Variants in CNTNAP2 observed in about 807,000 individuals in gnomAD.
The protein encoded by CNTNAP2 is contactin associated protein 2.
A neutral mutation model predicts 155.2 loss-of-function variants in CNTNAP2; 98 were observed. That is an observed-to-expected ratio of 0.63 (90% CI 0.54 to 0.75). CNTNAP2 has a LOEUF of 0.75. Among genes scored for constraint, CNTNAP2 ranks in the 30% least tolerant of loss-of-function variants. The pLI is 0.00. For missense variants in CNTNAP2, 1,727 were observed against 1,688.1 expected, an observed-to-expected ratio of 1.02 and a Z score of -0.40; for synonymous variants, 651 against 631.2, an observed-to-expected ratio of 1.03 and a Z score of -0.47.
intron 3 of CNTNAP2, among the ~76,000 whole-genome samples, chr7:146,891,389 C>T (rs919755976): frequency 2.0e-5 from 3 of 151,960 alleles, no homozygotes; most frequent in Admixed American, 1.3e-4. Context: ...CGTATACCCC[C>T]GAATGTAAAA....
intron 1 of CNTNAP2, among the ~76,000 whole-genome samples, chr7:146,508,313 C>A (rs890062806): frequency 6.6e-6 from 1 of 152,194 alleles, no homozygotes. Flanking sequence ...AGTCTGAATT[C>A]TCTGACCGTG....
chr7:146,207,746 A>T (rs1798970185), intron 1 of CNTNAP2, among the ~76,000 whole-genome samples: 1 of 151,542 alleles, frequency 6.6e-6, no homozygotes, highest in Admixed American at 6.6e-5. Context: ...TGGATAAATG[A>T]ACCTGCTGTT....
intron 1 of CNTNAP2, among the ~76,000 whole-genome samples, chr7:146,251,280 A>C (rs1349810088): frequency 6.6e-6 from 1 of 152,152 alleles, no homozygotes; most frequent in East Asian, 1.9e-4. Flanking sequence ...GGTATAAATA[A>C]ATTTTGTTAT....
At chr7:147,170,125 C>G (rs1802196507) in intron 8 of CNTNAP2, among the ~76,000 whole-genome samples, 1 of 152,006 alleles carries the variant, frequency 6.6e-6, no homozygotes, top group African/African-American at 2.4e-5. Flanking sequence ...GACTTCATTT[C>G]TGGACATTTT....
At chr7:146,853,315 AC>A (rs1297004265) in intron 3 of CNTNAP2, among the ~76,000 whole-genome samples, 1 of 152,170 alleles carries the variant, frequency 6.6e-6, no homozygotes, top group Non-Finnish European at 1.5e-5. Flanking sequence ...TAAAATCAAA[AC>A]CAAAATATGA....
intron 1 of CNTNAP2, among the ~76,000 whole-genome samples, chr7:146,489,551 C>A (rs928258793): frequency 6.6e-6 from 1 of 152,054 alleles, no homozygotes; most frequent in Non-Finnish European, 1.5e-5. Flanking sequence ...ACCTCCACGG[C>A]CAGTGACACA....
chr7:147,393,708 G>T (rs1221271053), intron 9 of CNTNAP2, among the ~76,000 whole-genome samples: 1 of 151,736 alleles, frequency 6.6e-6, no homozygotes, highest in East Asian at 1.9e-4. Context: ...AAAAAAATGT[G>T]GTTGACTAGA....
At chr7:147,953,162 C>T (rs2116832587) in intron 14 of CNTNAP2, among the ~76,000 whole-genome samples, 1 of 152,268 alleles carries the variant, frequency 6.6e-6, no homozygotes, top group African/African-American at 2.4e-5. Flanking sequence ...TTTGCGTTTT[C>T]TTAGTTTCAT....
intron 12 of CNTNAP2, 69 bp downstream of exon 12, chr7:147,562,326 T>A: frequency 6.3e-7 from 1 of 1,598,914 alleles, no homozygotes; most frequent in South Asian, 1.1e-5. Flanking sequence ...GTTCCACCAA[T>A]GGTTTGTTTC....
chr7:146,885,654 G>T (rs1795641381), intron 3 of CNTNAP2, among the ~76,000 whole-genome samples: 1 of 152,056 alleles, frequency 6.6e-6, no homozygotes, highest in African/African-American at 2.4e-5. Context: ...ATTGTCTTCA[G>T]AACTTCTTTT....
At chr7:146,370,868 A>G (rs1373138478) in intron 1 of CNTNAP2, among the ~76,000 whole-genome samples, 3 of 152,136 alleles carry the variant, frequency 2.0e-5, no homozygotes, top group Admixed American at 1.3e-4. Context: ...TTTTATATGT[A>G]CCTTAATAAA....
At chr7:147,317,738 T>C (rs562519321) in intron 9 of CNTNAP2, among the ~76,000 whole-genome samples, 1 of 152,106 alleles carries the variant, frequency 6.6e-6, no homozygotes, top group Admixed American at 6.5e-5. Flanking sequence ...CCTACCTCAC[T>C]GTCGCTTAAA....
chr7:148,402,005 T>A (rs555296461), intron 22 of CNTNAP2, among the ~76,000 whole-genome samples: 109 of 152,146 alleles, frequency 7.2e-4, no homozygotes, highest in African/African-American at 2.6e-3. Flanking sequence ...GAAAGGCAAT[T>A]GAGACAATTC....
chr7:147,530,277 C>T (rs111880444), intron 11 of CNTNAP2, among the ~76,000 whole-genome samples: 1 of 151,780 alleles, frequency 6.6e-6, no homozygotes, highest in Non-Finnish European at 1.5e-5. Flanking sequence ...CCTCCACCTC[C>T]TGGGTTCAAG....
intron 9 of CNTNAP2, among the ~76,000 whole-genome samples, chr7:147,387,158 T>C (rs1796638565): frequency 6.6e-6 from 1 of 152,140 alleles, no homozygotes; most frequent in African/African-American, 2.4e-5. Context: ...GGAGTTACAA[T>C]TCAAGATGAG....
At chr7:147,076,902 C>T (rs958447537) in intron 4 of CNTNAP2, among the ~76,000 whole-genome samples, 1 of 152,132 alleles carries the variant, frequency 6.6e-6, no homozygotes, top group Admixed American at 6.6e-5. Context: ...AAAATAGCTA[C>T]TTCTCTTTTA....
intron 20 of CNTNAP2, among the ~76,000 whole-genome samples, chr7:148,249,595 A>G (rs923196748): frequency 3.9e-5 from 6 of 152,196 alleles, no homozygotes; most frequent in African/African-American, 1.4e-4. Flanking sequence ...TTGATGTCTG[A>G]TAAACACTCC....
intron 10 of CNTNAP2, among the ~76,000 whole-genome samples, chr7:147,396,292 T>C (rs1388356335): frequency 1.3e-5 from 2 of 151,686 alleles, no homozygotes; most frequent in Non-Finnish European, 2.9e-5. Flanking sequence ...AACAGCAGTG[T>C]GGCAGAGAAA....
At chr7:146,366,281 A>C (rs1311978944) in intron 1 of CNTNAP2, among the ~76,000 whole-genome samples, 1 of 152,098 alleles carries the variant, frequency 6.6e-6, no homozygotes, top group Non-Finnish European at 1.5e-5. Context: ...GTTAGTCTAG[A>C]ATTTTTTAAA....
Sources: allele counts gnomAD v4.1 joint callset (sites outside exome capture counted in the v4.1 genomes callset), GRCh38; gene constraint gnomAD v4.1.1; transcripts MANE v1.5; gene names NCBI Gene and HGNC (gene_info 2026-07-23, HGNC 2026-07-21).